SFXN5: variants seen among roughly 807,000 people sequenced by gnomAD.
SFXN5 encodes sideroflexin-5.
In SFXN5, 43 loss-of-function variants were observed where a neutral mutation model predicts 50.2. That is an observed-to-expected ratio of 0.86 (90% confidence interval 0.67 to 1.11). The LOEUF is 1.11. Among genes scored for constraint, SFXN5 ranks in the 50% least tolerant of loss-of-function variants. The probability of loss-of-function intolerance (pLI) is 0.00; values close to 1 mark genes in which losing one functional copy is unlikely to be tolerated. For missense variants in SFXN5, 463 were observed against 454.1 expected (o/e 1.02, Z -0.18); for synonymous variants, 203 against 185.8 (o/e 1.09, Z -0.75).
intron 7 of SFXN5, among the ~76,000 whole-genome samples, chr2:73,001,024 C>T (rs148042238): frequency 9.4e-4 from 143 of 152,370 alleles, no homozygotes; most frequent in African/African-American, 3.2e-3. Context: ...TCTGCACACA[C>T]AAACACAGAG....
chr2:72,970,897 A>G (rs1305124346), intron 11 of SFXN5, among the ~76,000 whole-genome samples: 1 of 152,132 alleles, frequency 6.6e-6, no homozygotes, highest in Non-Finnish European at 1.5e-5. Flanking sequence ...CATGTTGGCC[A>G]GGCTGGTCTC....
chr2:72,994,237 G>A (rs528293743), intron 9 of SFXN5, among the ~76,000 whole-genome samples: 6 of 152,256 alleles, frequency 3.9e-5, no homozygotes, highest in South Asian at 2.1e-4. Context: ...AATGCCTGGC[G>A]TGCTGTAGGC....
chr2:73,023,931 A>G (rs1018080425), intron 3 of SFXN5, among the ~76,000 whole-genome samples: 3 of 152,196 alleles, frequency 2.0e-5, no homozygotes, highest in African/African-American at 7.2e-5. Flanking sequence ...ATCCCTTCAA[A>G]TGACCTAAAT....
At chr2:73,059,424 C>T (rs1682564110) in intron 1 of SFXN5, 2 of 985,440 alleles carry the variant, frequency 2.0e-6, no homozygotes, top group Non-Finnish European at 2.4e-6. Flanking sequence ...AGCCCCACAA[C>T]TCTCCAAGCA....
At chr2:73,064,135 C>A (rs1308209622) in intron 1 of SFXN5, among the ~76,000 whole-genome samples, 1 of 152,222 alleles carries the variant, frequency 6.6e-6, no homozygotes, top group Non-Finnish European at 1.5e-5. Flanking sequence ...CAGGGAAGAG[C>A]AGGCCTTGGG....
intron 2 of SFXN5, among the ~76,000 whole-genome samples, chr2:73,052,359 C>CGTGTGTGT (rs59839344): frequency 1.4e-5 from 2 of 142,348 alleles, no homozygotes; most frequent in South Asian, 2.3e-4. Flanking sequence ...TGTGTGTATG[C>CGTGTGTGT]GTGTGTGTGT....
intron 3 of SFXN5, among the ~76,000 whole-genome samples, chr2:73,033,945 G>A (rs1678631168): frequency 6.6e-6 from 1 of 152,130 alleles, no homozygotes; most frequent in East Asian, 1.9e-4. Context: ...ACACTGGACA[G>A]CCCTCGCAAA....
intron 2 of SFXN5, among the ~76,000 whole-genome samples, chr2:73,056,967 CAAAG>C (rs1682220184): frequency 6.6e-6 from 1 of 152,176 alleles, no homozygotes; most frequent in South Asian, 2.1e-4. Flanking sequence ...TACATCCACA[CAAAG>C]AATGTTCATA....
At chr2:72,975,826 G>A (rs768483300) in intron 10 of SFXN5, among the ~76,000 whole-genome samples, 9 of 152,304 alleles carry the variant, frequency 5.9e-5, no homozygotes, top group Middle Eastern at 3.4e-3. Context: ...GCAGAAGATC[G>A]TCTGCCAGAT....
At position 73,035,757 on chromosome 2, in the gene SFXN5, C is replaced by T. The variant is rs546105905; in HGVS notation, c.249+5097G>A. Among the ~76,000 whole-genome samples the T allele has an allele frequency of 3.9e-5, 6 of 152,218 alleles. No individual in the cohort carries two copies. In the South Asian group the frequency reaches 1.2e-3, roughly 32 times the overall value. On this transcript the variant is annotated intron_variant, in intron 3 of 13. Coordinates refer to ENST00000272433, the MANE Select transcript of SFXN5 (RefSeq NM_144579.3). ...TTAGGTGATCCACCTGTCTTGGCCT[C>T]CCAAAGTGCTGGGATTACAGGTGTG...
Position 73,000,417 on chromosome 2 carries a change from G to A in SFXN5, c.468+14C>T, listed in dbSNP as rs143169685. On this transcript the variant is annotated intron_variant, in intron 8 of 13. Coordinates refer to ENST00000272433, the MANE Select transcript of SFXN5 (RefSeq NM_144579.3). The stretch of plus-strand genomic sequence containing the variant: ...CCTGAACCCCACCACTGGGGAGAGG[G>A]CAGTGATGCTCACCTTGGTCGCATT... 749 of 1,554,440 alleles carry A rather than the reference G, an allele frequency of 4.8e-4. 2 individuals carry two copies. The highest frequency in any genetic ancestry group is 1.7e-4 in the Non-Finnish European group (197 of 1,148,128).
At chr2:72,970,883 T>A (rs1573993497) in intron 11 of SFXN5, among the ~76,000 whole-genome samples, 2 of 152,218 alleles carry the variant, frequency 1.3e-5, no homozygotes, top group South Asian at 4.2e-4. Flanking sequence ...AGACGGGGTT[T>A]TGCCATGTTG....
At chr2:73,048,296 C>T (rs964730092) in intron 2 of SFXN5, among the ~76,000 whole-genome samples, 1 of 152,218 alleles carries the variant, frequency 6.6e-6, no homozygotes, top group Non-Finnish European at 1.5e-5. Context: ...CGGCTCACTG[C>T]AACCTCCACC....
chr2:73,011,602 A>G (rs972843503), intron 6 of SFXN5, among the ~76,000 whole-genome samples: 1 of 152,226 alleles, frequency 6.6e-6, no homozygotes, highest in Non-Finnish European at 1.5e-5. Context: ...GAATGGACAA[A>G]GAGTGTGAAC....
chr2:73,031,936 G>A (rs974514606), intron 3 of SFXN5, among the ~76,000 whole-genome samples: 2 of 152,182 alleles, frequency 1.3e-5, no homozygotes, highest in African/African-American at 4.8e-5. Flanking sequence ...CCTGTCCTAC[G>A]GTGTATGAGG....
rs1030611864 is a variant in SFXN5, at chr2:73,059,628, C to T, written c.103-1032G>A. On this transcript the variant is annotated intron_variant, in intron 1 of 13. Coordinates refer to ENST00000272433, the MANE Select transcript of SFXN5 (RefSeq NM_144579.3). ...TCCATTTCTCTCCCACCATGGCACC[C>T]CTGCATGAAGCAACCTCTAACCCCT... 5.6e-6 allele frequency: 5 copies of T among 897,194 alleles called. No individual in the cohort carries two copies. The African/African-American group carries it at 9.6e-5, about 17-fold the overall frequency. 55.6% of individuals were successfully genotyped at this position (897,194 alleles called of 1,614,324 possible).
At chr2:72,984,863 C>T (rs1288861964) in intron 10 of SFXN5, among the ~76,000 whole-genome samples, 5 of 152,100 alleles carry the variant, frequency 3.3e-5, no homozygotes, top group African/African-American at 9.7e-5. Context: ...TCTCAGGCCA[C>T]TCTTAGGCAG....
At chr2:72,954,827 G>C (rs1672901947) in intron 13 of SFXN5, among the ~76,000 whole-genome samples, 1 of 152,218 alleles carries the variant, frequency 6.6e-6, no homozygotes, top group Admixed American at 6.5e-5. Flanking sequence ...TGTAACTCAA[G>C]TGGACTCACT....
chr2:73,004,311 G>GCACACACACACACA (rs1491084147), intron 6 of SFXN5, among the ~76,000 whole-genome samples: 2 of 89,622 alleles, frequency 2.2e-5, no homozygotes, highest in African/African-American at 1.2e-4. Flanking sequence ...GAATGAGTGC[G>GCACACACACACACA]CGCGCACACA....
Sources: gnomAD v4.1 joint callset for allele counts (sites outside exome capture counted in the v4.1 genomes callset) on GRCh38, gnomAD v4.1.1 for gene constraint, MANE v1.5 for transcripts, NCBI Gene and HGNC (gene_info 2026-07-23, HGNC 2026-07-21) for gene names.